PCDH19: variants seen among roughly 807,000 people sequenced by gnomAD.
PCDH19 encodes protocadherin-19.
A neutral mutation model predicts 46.2 loss-of-function variants in PCDH19; 6 were observed. The observed-to-expected ratio is 0.13, with a 90% CI of 0.07 to 0.26. The LOEUF (loss-of-function observed/expected upper bound fraction) is 0.26. PCDH19 is among the 10% of genes least tolerant of loss of function. The pLI is 1.00. For missense variants in PCDH19, 740 were observed against 972.3 expected, an observed-to-expected ratio of 0.76 and a Z score of 3.18; for synonymous variants, 481 against 415.7, an observed-to-expected ratio of 1.16 and a Z score of -1.91.
chrX:100,398,997 G>A (rs769649744), intron 3 of PCDH19, among the ~76,000 whole-genome samples: 1 of 111,644 alleles, frequency 9.0e-6, no homozygotes, highest in South Asian at 3.8e-4. Context: ...CTGTTTACTT[G>A]TCTGTATTTC....
At chrX:100,321,512 G>C (rs1925476677) in intron 5 of PCDH19, among the ~76,000 whole-genome samples, 1 of 111,738 alleles carries the variant, frequency 8.9e-6, no homozygotes, top group Non-Finnish European at 1.9e-5. Flanking sequence ...GCATTTCCCT[G>C]ATCATTAGTG....
chrX:100,396,332 A>G (rs1172581731), intron 3 of PCDH19, among the ~76,000 whole-genome samples: 1 of 112,123 alleles, frequency 8.9e-6, no homozygotes, highest in African/African-American at 3.2e-5. Context: ...CCACAGCACA[A>G]GCTGGGGCAA....
In PCDH19 at chrX:100,291,871, CTG is replaced by C. The variant is rs1924435201; in HGVS notation, c.*4404_*4405del. The C allele has an allele frequency of 8.9e-6, 1 of 112,802 alleles. No homozygotes were observed. The highest frequency in any genetic ancestry group is 3.2e-5 in the African/African-American group (1 of 30,951). 9.3% of individuals were successfully genotyped at this position (112,802 alleles called of 1,213,427 possible). A position where few individuals can be genotyped will look rare whatever the true frequency, so the allele number is the denominator to read the frequency against. Reference sequence around the variant, plus strand: ...TTTTCTTTTTACAATGATTCAATCACTGTGAAAATGTACATAACATACAGATC... The same window carrying C: ...TTTTCTTTTTACAATGATTCAATCACTGAAAATGTACATAACATACAGATC... On this transcript the variant is annotated 3_prime_UTR_variant, in exon 6 of 6. Transcript: ENST00000373034.
At position 100,296,573 on chromosome X, in the gene PCDH19, C is replaced by T. The variant is rs1452527533; in HGVS notation, c.3151G>A (p.Val1051Ile). 2.5e-6 allele frequency: 3 copies of T among 1,211,377 alleles called. No individual in the cohort carries two copies. Among genetic ancestry groups the T allele is most frequent in the Non-Finnish European group, 2.2e-6 (2 of 895,432 alleles). The stretch of plus-strand genomic sequence containing the variant: ...CAGCCATTGCCTGCCTCCCGGATAA[C>T]GCTGTTGACCTTGGGGCTGCAGATG... The part of the protein sequence containing the change: ...VTICSPKVNS[V>I]IREAGNGCEA... The change falls in exon 6 of 6, where the codon GTT (valine) becomes ATT (isoleucine). Residue 1051 changes from valine (V) to isoleucine (I), a missense_variant. Coordinates refer to ENST00000373034, the MANE Select transcript of PCDH19 (RefSeq NM_001184880.2).
intron 5 of PCDH19, among the ~76,000 whole-genome samples, chrX:100,298,050 T>A (rs1178637742): frequency 9.0e-6 from 1 of 110,687 alleles, no homozygotes; most frequent in African/African-American, 3.3e-5. Flanking sequence ...GTGACTTATT[T>A]TGCAGGGGGA....
intron 3 of PCDH19, among the ~76,000 whole-genome samples, chrX:100,373,016 T>C (rs978902312): frequency 1.8e-5 from 2 of 111,435 alleles, no homozygotes; most frequent in African/African-American, 6.5e-5. Flanking sequence ...CTCTTCTGTT[T>C]TTGTTTTTGT....
intron 3 of PCDH19, among the ~76,000 whole-genome samples, chrX:100,391,848 C>T (rs775990826): frequency 8.9e-6 from 1 of 112,119 alleles, no homozygotes; most frequent in African/African-American, 3.2e-5. Context: ...TACCTCAGAA[C>T]TGCAGATTTC....
chrX:100,350,821 C>G, intron 3 of PCDH19, 117 bp from the exon 4 acceptor site: 1 of 536,609 alleles, frequency 1.9e-6, no homozygotes, highest in Non-Finnish European at 3.3e-6. Flanking sequence ...TGAATTGGAA[C>G]CCAAGGCCAC....
intron 5 of PCDH19, among the ~76,000 whole-genome samples, chrX:100,310,791 C>T (rs1328937999): frequency 9.4e-5 from 10 of 106,180 alleles, no homozygotes; most frequent in African/African-American, 3.4e-4. Context: ...ATTCTACATG[C>T]AGTTATACAT....
At chrX:100,371,009 GT>G (rs1487841051) in intron 3 of PCDH19, among the ~76,000 whole-genome samples, 2 of 109,818 alleles carry the variant, frequency 1.8e-5, no homozygotes, top group African/African-American at 3.3e-5. Flanking sequence ...GTGTGTGTGT[GT>G]GTGTGTGTGT....
chrX:100,395,134 G>A (rs1184266518), intron 3 of PCDH19, among the ~76,000 whole-genome samples: 1 of 111,502 alleles, frequency 9.0e-6, no homozygotes, highest in African/African-American at 3.3e-5. Context: ...TGATCCGCCC[G>A]CCTCGGCCTC....
At chrX:100,366,389 C>T (rs915483609) in intron 3 of PCDH19, among the ~76,000 whole-genome samples, 5 of 111,427 alleles carry the variant, frequency 4.5e-5, no homozygotes, top group African/African-American at 1.6e-4. Context: ...AGCATTTTTC[C>T]TCTCTAAATA....
intron 3 of PCDH19, among the ~76,000 whole-genome samples, chrX:100,388,110 C>T (rs903936200): frequency 1.5e-4 from 17 of 110,847 alleles, no homozygotes; most frequent in African/African-American, 5.5e-4. Context: ...TAAAAATTGC[C>T]TGACTTCCTA....
At chrX:100,361,848 G>A (rs1402803418) in intron 3 of PCDH19, among the ~76,000 whole-genome samples, 1 of 110,547 alleles carries the variant, frequency 9.0e-6, no homozygotes, top group African/African-American at 3.3e-5. Context: ...AAATAGGACT[G>A]GCTGACGAGG....
In PCDH19 at chrX:100,295,124, A is replaced by G. The variant is rs1924554329; in HGVS notation, c.*1153T>C. The G allele has an allele frequency of 8.9e-6, 1 of 112,306 alleles. No homozygotes were observed. The highest frequency in any genetic ancestry group is 9.4e-5 in the Admixed American group (1 of 10,590). The allele number at this position is 112,306 out of a possible 1,213,427, so 9.3% of individuals were successfully genotyped here. A position where few individuals can be genotyped will look rare whatever the true frequency, so the allele number is the denominator to read the frequency against. On this transcript the variant is annotated 3_prime_UTR_variant, in exon 6 of 6. Coordinates refer to ENST00000373034, the MANE Select transcript of PCDH19 (RefSeq NM_001184880.2). Reference sequence around the variant, plus strand: ...ATATAAGCCTAAGATACAGAGCAACATGGAGTTCTCAATCCCAGCCCATGA... The same window carrying G: ...ATATAAGCCTAAGATACAGAGCAACGTGGAGTTCTCAATCCCAGCCCATGA...
intron 3 of PCDH19, among the ~76,000 whole-genome samples, chrX:100,363,185 T>G (rs886923095): frequency 1.8e-5 from 2 of 109,691 alleles, no homozygotes; most frequent in Non-Finnish European, 3.8e-5. Context: ...ATGCCTGTAA[T>G]CCCAGCTACG....
Position 100,402,707 on chromosome X carries a change from G to C in PCDH19, c.2433C>G (p.Leu811=), listed in dbSNP as rs1466733961. Reference sequence around the variant, plus strand: ...TCTGCTGGTGGTAGTCAAAATAGTTGAGGGAGGAGGTCAGGGAAGAGCAAC... The same window carrying C: ...TCTGCTGGTGGTAGTCAAAATAGTTCAGGGAGGAGGTCAGGGAAGAGCAAC... ...VVSCSSLTSS[L]NYFDYHQQTL... Residue 811 remains leucine, a synonymous_variant, in exon 3 of 6, where the codon CTC becomes CTG. Coordinates refer to ENST00000373034, the MANE Select transcript of PCDH19 (RefSeq NM_001184880.2). 8.3e-7 allele frequency: 1 copy of C among 1,210,101 alleles called. No individual in the cohort carries two copies. Among genetic ancestry groups the C allele is most frequent in the East Asian group, 3.0e-5 (1 of 33,759 alleles).
intron 4 of PCDH19, among the ~76,000 whole-genome samples, chrX:100,347,698 C>A (rs1926446080): frequency 9.0e-6 from 1 of 110,621 alleles, no homozygotes; most frequent in South Asian, 3.8e-4. Context: ...CTAGAGAATG[C>A]CGAAAAGAAG....
At chrX:100,401,272 C>T (rs772680520) in intron 3 of PCDH19, among the ~76,000 whole-genome samples, 1 of 112,064 alleles carries the variant, frequency 8.9e-6, no homozygotes, top group South Asian at 3.7e-4. Context: ...CTCCCAGCCA[C>T]CCACCAGCCA....
Sources: allele counts gnomAD v4.1 joint callset (sites outside exome capture counted in the v4.1 genomes callset), GRCh38; gene constraint gnomAD v4.1.1; transcripts MANE v1.5; gene names NCBI Gene and HGNC (gene_info 2026-07-23, HGNC 2026-07-21).